Variants in CABLES1 observed in about 807,000 individuals in gnomAD.
The protein encoded by CABLES1 is Cdk5 and Abl enzyme substrate 1.
A neutral mutation model predicts 57.8 loss-of-function variants in CABLES1; 36 were observed. The ratio of observed to expected loss-of-function variants is 0.62; its 90% confidence interval spans 0.48 to 0.82. The LOEUF is 0.82. Ranked by LOEUF, CABLES1 falls within the 40% of genes least tolerant of loss-of-function variation. CABLES1 has a pLI of 0.00. For missense variants in CABLES1, 767 were observed against 836.6 expected, an observed-to-expected ratio of 0.92 and a Z score of 1.03; for synonymous variants, 374 against 363.0, an observed-to-expected ratio of 1.03 and a Z score of -0.35.
chr18:23,137,428 AAAG>A (rs1236081086), intron 1 of CABLES1, among the ~76,000 whole-genome samples: 2 of 152,214 alleles, frequency 1.3e-5, no homozygotes, highest in Non-Finnish European at 2.9e-5. Flanking sequence ...GAAGCTTGCA[AAAG>A]AAGTAGGCGA....
chr18:23,223,610 G>T (rs2047506124), intron 4 of CABLES1, among the ~76,000 whole-genome samples: 1 of 151,698 alleles, frequency 6.6e-6, no homozygotes, highest in Non-Finnish European at 1.5e-5. Flanking sequence ...GTTGGCGGGG[G>T]GGCATTTTTC....
At chr18:23,159,801 A>G (rs1354828235) in intron 1 of CABLES1, among the ~76,000 whole-genome samples, 2 of 152,168 alleles carry the variant, frequency 1.3e-5, no homozygotes, top group East Asian at 1.9e-4. Context: ...TCCTCAAAAG[A>G]ATTTTATTGT....
chr18:23,236,469 G>A (rs2047614083), intron 6 of CABLES1, among the ~76,000 whole-genome samples: 1 of 152,158 alleles, frequency 6.6e-6, no homozygotes, highest in Non-Finnish European at 1.5e-5. Context: ...TATCTTGGTG[G>A]GTGAGCTGAG....
At chr18:23,176,316 C>T (rs535443663) in intron 1 of CABLES1, among the ~76,000 whole-genome samples, 1 of 152,246 alleles carries the variant, frequency 6.6e-6, no homozygotes, top group South Asian at 2.1e-4. Flanking sequence ...CTAGATCCCT[C>T]GAGTGCACAG....
chr18:23,139,115 C>T (rs926368920), intron 1 of CABLES1, among the ~76,000 whole-genome samples: 9 of 151,928 alleles, frequency 5.9e-5, no homozygotes, highest in Non-Finnish European at 1.0e-4. Context: ...ATTAGAATGT[C>T]GGGCCGGGTG....
At chr18:23,240,287 C>T (rs189072185) in intron 7 of CABLES1, among the ~76,000 whole-genome samples, 4 of 152,232 alleles carry the variant, frequency 2.6e-5, no homozygotes, top group Admixed American at 2.6e-4. Flanking sequence ...GTGGAAAGAC[C>T]CCAAAGTAGG....
intron 2 of CABLES1, among the ~76,000 whole-genome samples, chr18:23,191,816 G>A (rs536692598): frequency 2.7e-5 from 4 of 149,746 alleles, no homozygotes; most frequent in South Asian, 2.1e-4. Context: ...CAACCTGAGC[G>A]CCCGGTATTC....
intron 1 of CABLES1, among the ~76,000 whole-genome samples, chr18:23,140,808 G>C (rs147469289): frequency 9.4e-4 from 143 of 152,240 alleles, no homozygotes; most frequent in Admixed American, 1.8e-3. Context: ...ATGCCTTGTG[G>C]GTTTGTGGTA....
intron 1 of CABLES1, among the ~76,000 whole-genome samples, chr18:23,140,448 T>C (rs1245769864): frequency 6.6e-6 from 1 of 151,418 alleles, no homozygotes; most frequent in South Asian, 2.1e-4. Flanking sequence ...CTTTTTTTTT[T>C]TTTTTTGAGA....
chr18:23,151,239 C>T (rs182557748), intron 1 of CABLES1, among the ~76,000 whole-genome samples: 4 of 152,154 alleles, frequency 2.6e-5, no homozygotes, highest in South Asian at 2.1e-4. Context: ...AGGATGGTCT[C>T]GATCTCTTGA....
chr18:23,205,311 A>G (rs928886600), intron 3 of CABLES1, among the ~76,000 whole-genome samples: 5 of 148,096 alleles, frequency 3.4e-5, no homozygotes, highest in African/African-American at 1.3e-4. Context: ...CTCCTGCCTC[A>G]GCTTCCCGGA....
At chr18:23,221,128 C>A (rs958253900) in intron 4 of CABLES1, among the ~76,000 whole-genome samples, 4 of 152,200 alleles carry the variant, frequency 2.6e-5, no homozygotes, top group African/African-American at 9.7e-5. Flanking sequence ...ATGAAGAACG[C>A]TTCTCTTTGA....
chr18:23,211,255 G>T (rs1842059722), intron 3 of CABLES1, among the ~76,000 whole-genome samples: 1 of 152,332 alleles, frequency 6.6e-6, no homozygotes, highest in South Asian at 2.1e-4. Flanking sequence ...AGCATGAGTA[G>T]TGAGGAAAAT....
At chr18:23,165,262 AATTTTTT>A (rs1907884780) in intron 1 of CABLES1, among the ~76,000 whole-genome samples, 2 of 151,898 alleles carry the variant, frequency 1.3e-5, no homozygotes, top group Non-Finnish European at 2.9e-5. Context: ...TTTTAATTTT[AATTTTTT>A]ATTTTTTTAT....
intron 4 of CABLES1, among the ~76,000 whole-genome samples, chr18:23,222,123 GCCCTTGAGGCTCTGGC>G (rs768924141): frequency 7.6e-4 from 115 of 152,262 alleles, no homozygotes; most frequent in Non-Finnish European, 1.4e-3. Flanking sequence ...CAGAAACAGG[GCCCTTGAGGCTCTGGC>G]CTTGGCGTTC....
intron 1 of CABLES1, among the ~76,000 whole-genome samples, chr18:23,185,479 G>A (rs1007273818): frequency 2.0e-5 from 3 of 152,122 alleles, no homozygotes; most frequent in Non-Finnish European, 4.4e-5. Flanking sequence ...CAGGGCTCAC[G>A]GTCACATTGT....
chr18:23,196,150 T>C (rs1313199723), intron 3 of CABLES1, among the ~76,000 whole-genome samples: 1 of 152,154 alleles, frequency 6.6e-6, no homozygotes, highest in East Asian at 1.9e-4. Flanking sequence ...CCCAGCACAC[T>C]CTTGACCTAA....
At chr18:23,147,393 G>T (rs146743668) in intron 1 of CABLES1, among the ~76,000 whole-genome samples, 1 of 152,240 alleles carries the variant, frequency 6.6e-6, no homozygotes, top group Non-Finnish European at 1.5e-5. Flanking sequence ...TACTTTTGGG[G>T]TGTTGCAAAT....
At chr18:23,231,807 A>T (rs541386007) in intron 4 of CABLES1, among the ~76,000 whole-genome samples, 12 of 152,096 alleles carry the variant, frequency 7.9e-5, no homozygotes, top group Admixed American at 7.2e-4. Flanking sequence ...CCTTTGGAGG[A>T]AATGCCAAGA....
Sources: gnomAD v4.1 joint callset for allele counts (sites outside exome capture counted in the v4.1 genomes callset) on GRCh38, gnomAD v4.1.1 for gene constraint, MANE v1.5 for transcripts, NCBI Gene and HGNC (gene_info 2026-07-23, HGNC 2026-07-21) for gene names.